The following RPS6KC1 variants were observed in gnomAD, a reference collection of about 807,000 sequenced individuals.
RPS6KC1 encodes ribosomal protein S6 kinase C1.
Under a neutral mutation model 103.8 loss-of-function variants are expected in RPS6KC1, and 54 were observed. The observed-to-expected ratio is 0.52, with a 90% CI of 0.42 to 0.65. The LOEUF is 0.65. RPS6KC1 is among the 30% of genes least tolerant of loss of function. The probability of loss-of-function intolerance (pLI) is 0.00; values close to 1 mark genes in which losing one functional copy is unlikely to be tolerated. For missense variants in RPS6KC1, 1,151 were observed against 1,253.8 expected (o/e 0.92, Z 1.24); for synonymous variants, 439 against 438.7 (o/e 1.00, Z -0.01).
the RPS6KC1 span, among the ~76,000 whole-genome samples, chr1:213,331,680 G>C: frequency 6.6e-6 from 1 of 152,176 alleles, no homozygotes; most frequent in Non-Finnish European, 1.5e-5. Flanking sequence ...TCTGCACAGG[G>C]AAGTCGGTGG....
the RPS6KC1 span, among the ~76,000 whole-genome samples, chr1:213,321,777 G>A: frequency 2.6e-5 from 4 of 152,154 alleles, no homozygotes; most frequent in South Asian, 6.2e-4. Context: ...AAGTGAGAGG[G>A]GTTTCCTTTT....
At chr1:213,475,891 T>C in the RPS6KC1 span, among the ~76,000 whole-genome samples, 1 of 152,314 alleles carries the variant, frequency 6.6e-6, no homozygotes, top group South Asian at 2.1e-4. Flanking sequence ...CCTTGGAGTC[T>C]CCTAAGCCAG....
At chr1:213,763,724 C>G in the RPS6KC1 span, among the ~76,000 whole-genome samples, 4 of 152,328 alleles carry the variant, frequency 2.6e-5, no homozygotes, top group East Asian at 7.7e-4. Context: ...GAGTTGAACT[C>G]TGCCACAATG....
At chr1:213,531,762 T>C in the RPS6KC1 span, among the ~76,000 whole-genome samples, 1 of 152,164 alleles carries the variant, frequency 6.6e-6, no homozygotes, top group Non-Finnish European at 1.5e-5. Context: ...GGCTTAGAGA[T>C]AAGGCTGTGT....
At chr1:213,204,096 A>G (rs1283551172) in intron 8 of RPS6KC1, among the ~76,000 whole-genome samples, 4 of 152,162 alleles carry the variant, frequency 2.6e-5, no homozygotes, top group African/African-American at 9.7e-5. Context: ...AGTACTTCTT[A>G]AACTGTTTTT....
chr1:213,374,828 C>T, the RPS6KC1 span, among the ~76,000 whole-genome samples: 1 of 152,236 alleles, frequency 6.6e-6, no homozygotes. Context: ...GGGCCTGCAA[C>T]ACACCTCCAG....
the RPS6KC1 span, among the ~76,000 whole-genome samples, chr1:213,783,812 T>G: frequency 2.3e-5 from 1 of 43,510 alleles, no homozygotes; most frequent in Admixed American, 3.3e-4. Flanking sequence ...AGAAAGATGT[T>G]GCCAAAAAAA....
chr1:213,494,347 T>A, the RPS6KC1 span, among the ~76,000 whole-genome samples: 1 of 152,024 alleles, frequency 6.6e-6, no homozygotes. Context: ...GATTTAAAAT[T>A]CAAAAAATTC....
At chr1:213,288,104 C>T in the RPS6KC1 span, among the ~76,000 whole-genome samples, 1 of 152,206 alleles carries the variant, frequency 6.6e-6, no homozygotes, top group Non-Finnish European at 1.5e-5. Context: ...TGGTGACATT[C>T]TCATCTTATT....
the RPS6KC1 span, among the ~76,000 whole-genome samples, chr1:213,370,287 T>TTTTATTTTATTTTA: frequency 8.6e-5 from 11 of 127,614 alleles, no homozygotes; most frequent in African/African-American, 3.4e-4. Context: ...ATTTTATTTT[T>TTTTATTTTATTTTA]TTTGCATGTA....
chr1:213,064,292 G>C (rs987995961), intron 1 of RPS6KC1, among the ~76,000 whole-genome samples: 3 of 152,012 alleles, frequency 2.0e-5, no homozygotes, highest in Admixed American at 1.3e-4. Flanking sequence ...TGTGACCTCA[G>C]GTGATCCACC....
the RPS6KC1 span, among the ~76,000 whole-genome samples, chr1:213,632,531 C>T: frequency 1.3e-5 from 2 of 152,200 alleles, no homozygotes; most frequent in Non-Finnish European, 2.9e-5. Flanking sequence ...CACCAAAACC[C>T]CATCTGTAGG....
the RPS6KC1 span, among the ~76,000 whole-genome samples, chr1:213,592,308 G>A: frequency 6.6e-6 from 1 of 152,092 alleles, no homozygotes; most frequent in Non-Finnish European, 1.5e-5. Context: ...AAAATTAAAT[G>A]GAAAGCATTA....
At chr1:213,121,270 G>A (rs2084353825) in intron 5 of RPS6KC1, among the ~76,000 whole-genome samples, 1 of 152,134 alleles carries the variant, frequency 6.6e-6, no homozygotes, top group African/African-American at 2.4e-5. Flanking sequence ...GTAGTAGCAT[G>A]GGATAGAGAA....
chr1:213,231,241 A>G (rs1467779861), intron 9 of RPS6KC1, among the ~76,000 whole-genome samples: 1 of 152,224 alleles, frequency 6.6e-6, no homozygotes, highest in African/African-American at 2.4e-5. Context: ...ACAGTTCTTA[A>G]GAGCTAAAAT....
chr1:213,332,989 C>T, the RPS6KC1 span, among the ~76,000 whole-genome samples: 1 of 152,144 alleles, frequency 6.6e-6, no homozygotes, highest in Non-Finnish European at 1.5e-5. Flanking sequence ...TCAGATGGGA[C>T]TTCTCACCAG....
chr1:213,428,264 C>G, the RPS6KC1 span, among the ~76,000 whole-genome samples: 8 of 152,244 alleles, frequency 5.3e-5, no homozygotes, highest in African/African-American at 1.4e-4. Context: ...TGTGAATCAT[C>G]TGTTTAGAGC....
the RPS6KC1 span, among the ~76,000 whole-genome samples, chr1:213,423,604 C>T: frequency 1.3e-5 from 2 of 152,282 alleles, no homozygotes; most frequent in East Asian, 1.9e-4. Context: ...TGCAGCATCA[C>T]GCCGACCTTC....
chr1:213,825,641 G>A, the RPS6KC1 span, among the ~76,000 whole-genome samples: 2 of 151,798 alleles, frequency 1.3e-5, no homozygotes, highest in Non-Finnish European at 2.9e-5. Context: ...TAACAACCTA[G>A]GAAGTTGGTG....
Sources: gnomAD v4.1 joint callset for allele counts (sites outside exome capture counted in the v4.1 genomes callset) on GRCh38, gnomAD v4.1.1 for gene constraint, MANE v1.5 for transcripts, NCBI Gene and HGNC (gene_info 2026-07-23, HGNC 2026-07-21) for gene names.